The following DAB1 variants were observed in gnomAD, a reference collection of about 807,000 sequenced individuals.
The protein encoded by DAB1 is DAB adaptor protein 1.
A neutral mutation model predicts 64.6 loss-of-function variants in DAB1; 15 were observed. The observed-to-expected ratio is 0.23, with a 90% CI of 0.16 to 0.36. DAB1 has a LOEUF of 0.36. DAB1 is among the 10% of genes least tolerant of loss of function. DAB1 has a pLI of 1.00. For synonymous variants in DAB1, 235 were observed against 251.9 expected (o/e 0.93, Z 0.64); for missense variants, 596 against 706.7 (o/e 0.84, Z 1.78).
intron 2 of DAB1, among the ~76,000 whole-genome samples, chr1:57,235,714 G>GAA (rs10633827): frequency 4.7e-5 from 7 of 150,228 alleles, no homozygotes; most frequent in African/African-American, 1.7e-4. Context: ...CTTTAAAAAA[G>GAA]AAAAAAAAAC....
At chr1:57,991,758 A>G (rs112619249) in intron 5 of DAB1, among the ~76,000 whole-genome samples, 5 of 149,658 alleles carry the variant, frequency 3.3e-5, no homozygotes, top group African/African-American at 7.4e-5. Context: ...AGGCAAGAGA[A>G]TCACTTGAAC....
chr1:57,225,154 T>TA (rs540761123), intron 2 of DAB1, among the ~76,000 whole-genome samples: 92 of 152,294 alleles, frequency 6.0e-4, no homozygotes, highest in Non-Finnish European at 1.2e-3. Flanking sequence ...GTGTGGCACT[T>TA]TCCTGAGTTC....
intron 9 of DAB1, chr1:57,033,464 G>T: frequency 6.2e-7 from 1 of 1,612,760 alleles, no homozygotes. Context: ...TGATGAGCAT[G>T]AAATGAATGA....
intron 5 of DAB1, among the ~76,000 whole-genome samples, chr1:58,089,264 T>C (rs925616638): frequency 2.0e-5 from 3 of 152,268 alleles, no homozygotes; most frequent in Non-Finnish European, 2.9e-5. Flanking sequence ...CATCTTCTGC[T>C]ACATAGAGCT....
chr1:57,060,696 A>G (rs1291579859), intron 9 of DAB1, among the ~76,000 whole-genome samples: 1 of 152,164 alleles, frequency 6.6e-6, no homozygotes, highest in Non-Finnish European at 1.5e-5. Flanking sequence ...TGCTGGGGGA[A>G]GGCTGCAGAG....
At chr1:57,373,345 G>T (rs146457100) in intron 1 of DAB1, among the ~76,000 whole-genome samples, 9 of 152,092 alleles carry the variant, frequency 5.9e-5, no homozygotes, top group South Asian at 2.1e-4. Flanking sequence ...AACACATAAC[G>T]GGGCTGATAG....
At chr1:58,007,150 G>A (rs941458999) in intron 5 of DAB1, among the ~76,000 whole-genome samples, 6 of 151,940 alleles carry the variant, frequency 3.9e-5, no homozygotes, top group Non-Finnish European at 8.8e-5. Flanking sequence ...GCAGCTAATC[G>A]AGTTACTGGC....
At chr1:57,286,296 T>G (rs1394445268) in intron 2 of DAB1, among the ~76,000 whole-genome samples, 3 of 152,150 alleles carry the variant, frequency 2.0e-5, no homozygotes, top group Non-Finnish European at 4.4e-5. Flanking sequence ...ACCCAAATTG[T>G]CAGGTATTCT....
rs957161410 is a variant in DAB1, at chr1:58,463,030, T to A, written n.257+43030A>T. ...AATGAAATGGTGAAAAAGTGCTTCATAAGCAATGTCATACTCTGAAGATGA... is the reference window on the plus strand; with the variant it reads ...AATGAAATGGTGAAAAAGTGCTTCAAAAGCAATGTCATACTCTGAAGATGA... On this transcript the variant is annotated intron_variant and non_coding_transcript_variant, in intron 3 of 20. Transcript: ENST00000485760. 1.2e-4 allele frequency among the ~76,000 whole-genome samples: 19 copies of A among 152,212 alleles called. No homozygotes were observed. In the East Asian group the frequency reaches 3.7e-3, roughly 29 times the overall value.
chr1:57,189,558 G>C (rs1307731816), intron 2 of DAB1, among the ~76,000 whole-genome samples: 2 of 152,132 alleles, frequency 1.3e-5, no homozygotes, highest in Admixed American at 1.3e-4. Context: ...ATTATCCCAA[G>C]CCCTTACCAC....
intron 4 of DAB1, among the ~76,000 whole-genome samples, chr1:58,334,565 C>T (rs1473603970): frequency 1.3e-5 from 2 of 150,122 alleles, no homozygotes; most frequent in African/African-American, 4.9e-5. Flanking sequence ...AGCTCACAGG[C>T]AATAGAGCCT....
At position 57,291,104 on chromosome 1, in the gene DAB1, G is replaced by A. The variant is rs1026861837; in HGVS notation, c.-74C>T. On this transcript the variant is annotated 5_prime_UTR_variant, in exon 2 of 15. Transcript: ENST00000371236. The stretch of plus-strand genomic sequence containing the variant: ...GCTCATTGAGGACTCTTCTCCAAGA[G>A]AAAGACTCCTCCCTTCAGAAATGAC... The A allele has an allele frequency of 2.2e-6, 2 of 923,356 alleles. No individual in the cohort carries two copies. Among genetic ancestry groups the A allele is most frequent in the African/African-American group, 1.7e-5 (1 of 59,170 alleles). 57.2% of individuals were successfully genotyped at this position (923,356 alleles called of 1,614,324 possible).
chr1:57,871,161 T>C (rs1000016774), intron 1 of DAB1, among the ~76,000 whole-genome samples: 6 of 152,102 alleles, frequency 3.9e-5, no homozygotes, highest in Non-Finnish European at 7.4e-5. Context: ...ATTGGAAAGA[T>C]AGGGGTGTGT....
At chr1:57,746,569 AT>A (rs1648280224) in intron 6 of DAB1, among the ~76,000 whole-genome samples, 2 of 151,988 alleles carry the variant, frequency 1.3e-5, no homozygotes, top group African/African-American at 4.8e-5. Flanking sequence ...TCTGCAGGAG[AT>A]TGGTTCCAGG....
rs113837158 is a variant in DAB1 at position 57,751,335 on chromosome 1, G to A, written n.552-101670C>T. ...GGAGAAGGCAGGGCCACAACCTGGA[G>A]GGGTTTTGGCAACTCTGAGTTCAAG... On this transcript the variant is annotated intron_variant and non_coding_transcript_variant, in intron 6 of 20. Transcript: ENST00000485760. 5.3e-3 allele frequency among the ~76,000 whole-genome samples: 803 copies of A among 152,230 alleles called. 9 individuals carry two copies. Among genetic ancestry groups the A allele is most frequent in the African/African-American group, 0.018 (764 of 41,542 alleles).
intron 1 of DAB1, among the ~76,000 whole-genome samples, chr1:57,375,833 A>T (rs1291986481): frequency 6.6e-6 from 1 of 152,198 alleles, no homozygotes; most frequent in Admixed American, 6.5e-5. Flanking sequence ...AACAGTAGGT[A>T]TTTAATAAAG....
upstream of DAB1, among the ~76,000 whole-genome samples, chr1:57,427,546 C>T (rs979830650): frequency 6.6e-6 from 1 of 151,946 alleles, no homozygotes; most frequent in Non-Finnish European, 1.5e-5. Flanking sequence ...GTCCTACTAG[C>T]TATTACTACT....
intron 1 of DAB1, among the ~76,000 whole-genome samples, chr1:57,411,283 G>T (rs577345611): frequency 1.1e-4 from 17 of 152,220 alleles, no homozygotes; most frequent in Non-Finnish European, 2.2e-4. Flanking sequence ...TGGTTTGGGT[G>T]CAGAGACCTG....
chr1:57,465,483 T>G (rs891885494), intron 7 of DAB1, among the ~76,000 whole-genome samples: 1 of 152,228 alleles, frequency 6.6e-6, no homozygotes, highest in Admixed American at 6.5e-5. Flanking sequence ...GTGAAGCTAA[T>G]GCAGCCCCTA....
Sources: gnomAD v4.1 joint callset for allele counts (sites outside exome capture counted in the v4.1 genomes callset) on GRCh38, gnomAD v4.1.1 for gene constraint, MANE v1.5 for transcripts, NCBI Gene and HGNC (gene_info 2026-07-23, HGNC 2026-07-21) for gene names.